The following MED27 variants were observed in gnomAD, a reference collection of about 807,000 sequenced individuals.
MED27 encodes mediator of RNA polymerase II transcription subunit 27.
In MED27, 30 loss-of-function variants were observed where a neutral mutation model predicts 38.2. That is an observed-to-expected ratio of 0.79 (90% CI 0.59 to 1.07). MED27 has a LOEUF of 1.07. MED27 is among the 50% of genes least tolerant of loss of function. The pLI is 0.00. For missense variants in MED27, 289 were observed against 397.5 expected (o/e 0.73, Z 2.32); for synonymous variants, 122 against 153.5 (o/e 0.79, Z 1.52).
intron 3 of MED27, among the ~76,000 whole-genome samples, chr9:131,961,668 G>A (rs577163414): frequency 6.6e-6 from 1 of 152,334 alleles, no homozygotes; most frequent in African/African-American, 2.4e-5. Flanking sequence ...CAGAACCGCT[G>A]CTTTCGTGAA....
At chr9:131,939,594 G>T in intron 3 of MED27, 120 bp from the exon 4 acceptor site, 1 of 544,026 alleles carries the variant, frequency 1.8e-6, no homozygotes, top group South Asian at 3.7e-5. Flanking sequence ...ACATTTTTAA[G>T]AAGGCAAATA....
chr9:132,004,937 T>C (rs139357647), intron 3 of MED27, among the ~76,000 whole-genome samples: 1 of 151,854 alleles, frequency 6.6e-6, no homozygotes, highest in Non-Finnish European at 1.5e-5. Context: ...CCTCAAGGAG[T>C]TGAAGTCTCA....
intron 3 of MED27, among the ~76,000 whole-genome samples, chr9:131,993,486 C>T (rs946472984): frequency 2.6e-5 from 4 of 152,198 alleles, no homozygotes; most frequent in African/African-American, 7.2e-5. Context: ...TGTCAGCTCA[C>T]GCAGAGTCAG....
chr9:131,870,940 GA>G (rs2131459671), intron 6 of MED27, among the ~76,000 whole-genome samples: 1 of 152,362 alleles, frequency 6.6e-6, no homozygotes, highest in East Asian at 1.9e-4. Context: ...TGTGGACAAA[GA>G]AGGGGAAATC....
intron 2 of MED27, among the ~76,000 whole-genome samples, chr9:132,039,944 T>A (rs1833171336): frequency 6.6e-6 from 1 of 152,230 alleles, no homozygotes; most frequent in Admixed American, 6.5e-5. Context: ...CCAAGCTTTG[T>A]TTTGTTGTCT....
chr9:131,897,415 C>T (rs960472416), intron 4 of MED27, among the ~76,000 whole-genome samples: 1 of 152,188 alleles, frequency 6.6e-6, no homozygotes, highest in African/African-American at 2.4e-5. Context: ...TTCTTGTCAG[C>T]GATGGGCACT....
chr9:131,909,252 T>C (rs4740332), intron 4 of MED27, among the ~76,000 whole-genome samples: 15,218 of 152,218 alleles, frequency 0.1, 1,494 homozygotes, highest in East Asian at 0.39. Flanking sequence ...TTTTGAAATA[T>C]GTAAGTGAAG....
chr9:131,920,071 A>G (rs988768323), intron 4 of MED27, among the ~76,000 whole-genome samples: 2 of 152,146 alleles, frequency 1.3e-5, no homozygotes, highest in Non-Finnish European at 2.9e-5. Flanking sequence ...TCAGCCTCCT[A>G]AAGTGCTGGG....
At chr9:132,048,361 C>T (rs7040826) in intron 2 of MED27, among the ~76,000 whole-genome samples, 3,045 of 152,256 alleles carry the variant, frequency 0.02, 46 homozygotes, top group South Asian at 0.059. Flanking sequence ...GAAAAACATT[C>T]CTACAGCTGA....
intron 3 of MED27, among the ~76,000 whole-genome samples, chr9:131,996,699 C>T (rs966302303): frequency 5.9e-5 from 9 of 152,290 alleles, no homozygotes; most frequent in Admixed American, 5.9e-4. Flanking sequence ...CACACAGGTC[C>T]ACTTAAATAT....
intron 2 of MED27, among the ~76,000 whole-genome samples, chr9:132,068,985 A>C (rs1833870756): frequency 6.6e-6 from 1 of 152,242 alleles, no homozygotes; most frequent in Admixed American, 6.5e-5. Flanking sequence ...GCTTCTGTAC[A>C]TGTAATGATA....
In MED27 at chr9:131,913,585, A is replaced by G. The variant is rs1830229629; in HGVS notation, c.574-19593T>C. Among the ~76,000 whole-genome samples, 1 of 152,090 alleles carries G rather than the reference A, an allele frequency of 6.6e-6. No individual in the cohort carries two copies. ...AAGGCAAATCTCACTGTTCACTTGT[A>G]TTTCTCCCTGTTTGAAAGGCCGTTT... On this transcript the variant is annotated intron_variant, in intron 4 of 7. Transcript: ENST00000292035. This position sits in a 1 kb window ranked among gnomAD's most constrained non-coding sequence, Gnocchi z 4.5.
chr9:131,953,778 T>G lies in MED27; in HGVS notation c.480-14304A>C, dbSNP rs571454553. 1.7e-4 allele frequency among the ~76,000 whole-genome samples: 26 copies of G among 151,488 alleles called. No homozygotes were observed. In the South Asian group the frequency reaches 5.0e-3, roughly 29 times the overall value. ...TTTGCCTTGTTCGTAAATTGTGGGG[T>G]TTTTTTTCCCCCACTCTAAATAAAT... On this transcript the variant is annotated intron_variant, in intron 3 of 7. Coordinates refer to ENST00000292035, the MANE Select transcript of MED27 (RefSeq NM_004269.4).
intron 5 of MED27, among the ~76,000 whole-genome samples, chr9:131,888,214 G>A (rs569543781): frequency 7.2e-5 from 11 of 152,304 alleles, no homozygotes; most frequent in South Asian, 2.1e-4. Flanking sequence ...CTTTACCTGC[G>A]TTACTTTTAA....
chr9:131,980,745 TAA>T (rs1045517842), intron 3 of MED27, among the ~76,000 whole-genome samples: 8 of 141,194 alleles, frequency 5.7e-5, no homozygotes, highest in Admixed American at 7.1e-5. Context: ...TAGTCCCATT[TAA>T]AAAAAAAAAA....
At chr9:131,957,004 ATGGCTAAAATAACAAGAAC>A (rs1831118377) in intron 3 of MED27, among the ~76,000 whole-genome samples, 1 of 152,222 alleles carries the variant, frequency 6.6e-6, no homozygotes, top group South Asian at 2.1e-4. Context: ...CTGCACTAGA[ATGGCTAAAATAACAAGAAC>A]TGGCAATATG....
At chr9:131,952,066 G>A (rs781255527) in intron 3 of MED27, among the ~76,000 whole-genome samples, 11 of 152,330 alleles carry the variant, frequency 7.2e-5, no homozygotes, top group Admixed American at 1.3e-4. Context: ...GAGAGCTTTC[G>A]TTTGTCCCTC....
rs565928108 is a variant in MED27, at chr9:131,860,835, C to T, written c.802-163G>A. 2.6e-4 allele frequency among the ~76,000 whole-genome samples: 40 copies of T among 152,312 alleles called. No homozygotes were observed. The highest frequency in any genetic ancestry group is 9.6e-4 in the African/African-American group (40 of 41,584). On this transcript the variant is annotated intron_variant, in intron 7 of 7. Coordinates refer to ENST00000292035, the MANE Select transcript of MED27 (RefSeq NM_004269.4). The surrounding 1 kb of genome is among the most constrained non-coding windows in gnomAD (Gnocchi z 5.8). ...CAGCAGGCGGAACCCACAAGGTCAC[C>T]TGACTGCTGATGTTCACGTCTGATG...
At chr9:132,037,791 G>C (rs1299549740) in intron 2 of MED27, among the ~76,000 whole-genome samples, 1 of 152,126 alleles carries the variant, frequency 6.6e-6, no homozygotes, top group Non-Finnish European at 1.5e-5. Context: ...GCTGTAGACT[G>C]GGAAAAGTGC....
Sources: allele counts gnomAD v4.1 joint callset (sites outside exome capture counted in the v4.1 genomes callset), GRCh38; gene constraint gnomAD v4.1.1; non-coding constraint Gnocchi (gnomAD v3.1); transcripts MANE v1.5; gene names NCBI Gene and HGNC (gene_info 2026-07-23, HGNC 2026-07-21).